Variants in JAKMIP2 observed in about 807,000 individuals in gnomAD.
The protein encoded by JAKMIP2 is janus kinase and microtubule-interacting protein 2.
In JAKMIP2, 25 loss-of-function variants were observed where a neutral mutation model predicts 115.0. The ratio of observed to expected loss-of-function variants is 0.22; its 90% CI spans 0.16 to 0.30. The LOEUF is 0.30. Among genes scored for constraint, JAKMIP2 ranks in the 10% least tolerant of loss-of-function variants. JAKMIP2 has a pLI of 1.00. For missense variants in JAKMIP2, 642 were observed against 957.6 expected (o/e 0.67, Z 4.35); for synonymous variants, 334 against 343.6 (o/e 0.97, Z 0.31).
At chr5:147,739,333 T>G (rs1754052237) in intron 1 of JAKMIP2, among the ~76,000 whole-genome samples, 1 of 152,076 alleles carries the variant, frequency 6.6e-6, no homozygotes, top group African/African-American at 2.4e-5. Flanking sequence ...ATATGTGAGA[T>G]TCCCCACACA....
At chr5:147,721,875 G>A (rs955786801) in intron 1 of JAKMIP2, among the ~76,000 whole-genome samples, 3 of 151,954 alleles carry the variant, frequency 2.0e-5, no homozygotes, top group Admixed American at 1.3e-4. Context: ...GCTCCTCCAG[G>A]CCCTTAAAAT....
chr5:147,726,646 A>T (rs1321282740), intron 1 of JAKMIP2, among the ~76,000 whole-genome samples: 1 of 152,218 alleles, frequency 6.6e-6, no homozygotes, highest in Non-Finnish European at 1.5e-5. Flanking sequence ...TTAGGATAGA[A>T]CATGGGCTTA....
intron 1 of JAKMIP2, among the ~76,000 whole-genome samples, chr5:147,770,845 G>A (rs1360066504): frequency 6.6e-6 from 1 of 151,822 alleles, no homozygotes; most frequent in African/African-American, 2.4e-5. Flanking sequence ...TTACATTTTT[G>A]TTTTAAAAAG....
At chr5:147,649,138 G>A (rs1240812811) in intron 4 of JAKMIP2, among the ~76,000 whole-genome samples, 1 of 152,152 alleles carries the variant, frequency 6.6e-6, no homozygotes, top group African/African-American at 2.4e-5. Context: ...ATATAAGACT[G>A]TTATTATCAT....
chr5:147,700,553 T>C (rs1278294838), intron 1 of JAKMIP2, among the ~76,000 whole-genome samples: 1 of 152,166 alleles, frequency 6.6e-6, no homozygotes, highest in Non-Finnish European at 1.5e-5. Context: ...TATACTAATA[T>C]TTGAGGAGAT....
chr5:147,593,549 T>C (rs1386058705), intron 21 of JAKMIP2, among the ~76,000 whole-genome samples: 1 of 152,090 alleles, frequency 6.6e-6, no homozygotes, highest in African/African-American at 2.4e-5. Flanking sequence ...TACAGCTCCA[T>C]GGGGGTACTT....
chr5:147,643,623 A>G (rs1757980585), intron 7 of JAKMIP2, among the ~76,000 whole-genome samples: 1 of 152,184 alleles, frequency 6.6e-6, no homozygotes, highest in African/African-American at 2.4e-5. Flanking sequence ...TGTTCATCCA[A>G]CAAATATTTG....
At chr5:147,641,880 T>G in intron 7 of JAKMIP2, 116 bp from the exon 8 acceptor site, 1 of 833,704 alleles carries the variant, frequency 1.2e-6, no homozygotes, top group Non-Finnish European at 1.9e-6. Flanking sequence ...AGAATAAGAC[T>G]TTGTTTTTTA....
chr5:147,757,255 CT>C (rs953680747), intron 1 of JAKMIP2, among the ~76,000 whole-genome samples: 30 of 152,104 alleles, frequency 2.0e-4, no homozygotes, highest in African/African-American at 6.7e-4. Flanking sequence ...TTCCTGTAAA[CT>C]TTTTTTCTAG....
chr5:147,743,144 A>G (rs1247556440), intron 1 of JAKMIP2, among the ~76,000 whole-genome samples: 1 of 152,240 alleles, frequency 6.6e-6, no homozygotes, highest in Non-Finnish European at 1.5e-5. Context: ...TTACACTGAC[A>G]CTGAGAGAAG....
intron 2 of JAKMIP2, among the ~76,000 whole-genome samples, chr5:147,671,088 C>A (rs1251224833): frequency 6.6e-6 from 1 of 152,154 alleles, no homozygotes; most frequent in Non-Finnish European, 1.5e-5. Context: ...CCAGGAAGAA[C>A]AAGTGCAAAG....
intron 18 of JAKMIP2, among the ~76,000 whole-genome samples, chr5:147,619,078 C>T (rs1296404037): frequency 6.6e-6 from 1 of 152,072 alleles, no homozygotes; most frequent in Non-Finnish European, 1.5e-5. Context: ...CTGCCTTCAT[C>T]TTTTTCTTTC....
rs192884891 is a variant in JAKMIP2 at position 147,605,350 on chromosome 5, C to A, written c.2413-3539G>T. Among the ~76,000 whole-genome samples the A allele has an allele frequency of 5.9e-3, 895 of 152,040 alleles. 15 individuals carry two copies. The highest frequency in any genetic ancestry group is 0.021 in the African/African-American group (863 of 41,468). ...TCAGCCTCTCCAGTAGCTGGGACTA[C>A]AGGCTCCCACCACCTCACCCGGCTA... On this transcript the variant is annotated intron_variant, in intron 20 of 21. Transcript: ENST00000616793.
chr5:147,679,467 C>T (rs1461473400), intron 1 of JAKMIP2, among the ~76,000 whole-genome samples: 1 of 152,070 alleles, frequency 6.6e-6, no homozygotes, highest in East Asian at 1.9e-4. Flanking sequence ...GAGACAAACA[C>T]CTGCAAAAAG....
intron 1 of JAKMIP2, among the ~76,000 whole-genome samples, chr5:147,674,316 A>G (rs933053076): frequency 6.6e-6 from 1 of 152,134 alleles, no homozygotes; most frequent in Non-Finnish European, 1.5e-5. Context: ...TTTCCCTCAA[A>G]TCCCTAAAGT....
chr5:147,729,820 C>A (rs1391374904), intron 1 of JAKMIP2, among the ~76,000 whole-genome samples: 1 of 150,882 alleles, frequency 6.6e-6, no homozygotes, highest in African/African-American at 2.4e-5. Flanking sequence ...TTATTCCCTG[C>A]AAAACTTTCT....
chr5:147,693,457 C>T (rs1042072904), intron 1 of JAKMIP2, among the ~76,000 whole-genome samples: 3 of 152,136 alleles, frequency 2.0e-5, no homozygotes, highest in Non-Finnish European at 2.9e-5. Flanking sequence ...CTACTTACAT[C>T]AGAACTACAC....
At chr5:147,723,829 C>A (rs1753412515) in intron 1 of JAKMIP2, among the ~76,000 whole-genome samples, 1 of 152,056 alleles carries the variant, frequency 6.6e-6, no homozygotes, top group African/African-American at 2.4e-5. Context: ...GGAGAGTAAC[C>A]CCAGACACAT....
At chr5:147,636,474 C>T in intron 11 of JAKMIP2, 190 bp from the exon 12 acceptor site, 1 of 601,386 alleles carries the variant, frequency 1.7e-6, no homozygotes, top group South Asian at 2.0e-5. Flanking sequence ...AAAATTTAAC[C>T]CCCTTTTCAT....
Sources: gnomAD v4.1 joint callset for allele counts (sites outside exome capture counted in the v4.1 genomes callset) on GRCh38, gnomAD v4.1.1 for gene constraint, MANE v1.5 for transcripts, NCBI Gene and HGNC (gene_info 2026-07-23, HGNC 2026-07-21) for gene names.